The following CHRM2 variants were observed in gnomAD, a reference collection of about 807,000 sequenced individuals.
CHRM2 encodes the protein muscarinic acetylcholine receptor M2.
A neutral mutation model predicts 25.0 loss-of-function variants in CHRM2; 8 were observed. The ratio of observed to expected loss-of-function variants is 0.32; its 90% confidence interval spans 0.19 to 0.58. CHRM2 has a LOEUF of 0.58. CHRM2 is among the 20% of genes least tolerant of loss of function. The pLI is 0.88. For synonymous variants in CHRM2, 202 were observed against 205.7 expected (o/e 0.98, Z 0.15); for missense variants, 440 against 567.1 (o/e 0.78, Z 2.28).
chr7:136,908,623 C>T (rs899407525), intron 2 of CHRM2, among the ~76,000 whole-genome samples: 3 of 151,892 alleles, frequency 2.0e-5, no homozygotes, highest in African/African-American at 7.2e-5. Context: ...CTCTTCTCTT[C>T]CCTCTGACAG....
chr7:136,916,935 A>G (rs1436963645), intron 2 of CHRM2, among the ~76,000 whole-genome samples: 1 of 151,360 alleles, frequency 6.6e-6, no homozygotes, highest in East Asian at 1.9e-4. Flanking sequence ...CAGTGTTTTA[A>G]TTCAGTTTCA....
At chr7:136,873,109 G>C (rs17487790) in intron 2 of CHRM2, among the ~76,000 whole-genome samples, 1 of 152,104 alleles carries the variant, frequency 6.6e-6, no homozygotes, top group Non-Finnish European at 1.5e-5. Flanking sequence ...TAGTTCCCAA[G>C]AGACTCCTAT....
At chr7:136,933,172 C>A (rs1799213186) in intron 2 of CHRM2, among the ~76,000 whole-genome samples, 1 of 152,138 alleles carries the variant, frequency 6.6e-6, no homozygotes, top group Non-Finnish European at 1.5e-5. Flanking sequence ...AATCATATAT[C>A]TTTCAAGGAA....
chr7:136,953,060 T>C (rs569897692), intron 2 of CHRM2, among the ~76,000 whole-genome samples: 13 of 152,216 alleles, frequency 8.5e-5, no homozygotes, highest in African/African-American at 2.2e-4. Flanking sequence ...GTCTTTATGA[T>C]AGAACTATTT....
At chr7:136,878,181 G>C (rs1222388464) in intron 2 of CHRM2, among the ~76,000 whole-genome samples, 1 of 151,946 alleles carries the variant, frequency 6.6e-6, no homozygotes, top group Non-Finnish European at 1.5e-5. Flanking sequence ...GAGAGCATCA[G>C]GGCATTTGGT....
At chr7:136,910,575 A>G (rs535479781) in intron 2 of CHRM2, among the ~76,000 whole-genome samples, 2 of 152,064 alleles carry the variant, frequency 1.3e-5, no homozygotes, top group African/African-American at 4.8e-5. Flanking sequence ...ATATTTATTA[A>G]GGGAGGACAT....
At chr7:136,885,565 A>T (rs17494846) in intron 2 of CHRM2, among the ~76,000 whole-genome samples, 1 of 152,114 alleles carries the variant, frequency 6.6e-6, no homozygotes, top group African/African-American at 2.4e-5. Flanking sequence ...ATATTAATGC[A>T]CTAGAAATGG....
At chr7:137,013,305 A>G (rs1804946456) in intron 3 of CHRM2, among the ~76,000 whole-genome samples, 1 of 151,830 alleles carries the variant, frequency 6.6e-6, no homozygotes, top group Non-Finnish European at 1.5e-5. Flanking sequence ...TTTGTCAAAT[A>G]AAATACTGGA....
At chr7:136,996,322 A>G (rs1159329204) in intron 3 of CHRM2, among the ~76,000 whole-genome samples, 1 of 152,118 alleles carries the variant, frequency 6.6e-6, no homozygotes, top group Non-Finnish European at 1.5e-5. Flanking sequence ...CTATAAAAAG[A>G]CAAAGGGTAC....
chr7:137,016,666 G>A lies in CHRM2; in HGVS notation c.*400G>A. ...GTCCTTAAGAGAAGGAAATGCCACAGTTACAAGGTAAACATGGAGACTTAA... is the reference window on the plus strand; with the variant it reads ...GTCCTTAAGAGAAGGAAATGCCACAATTACAAGGTAAACATGGAGACTTAA... On this transcript the variant is annotated 3_prime_UTR_variant, in exon 4 of 4. Coordinates refer to ENST00000680005, the MANE Select transcript of CHRM2 (RefSeq NM_001006630.2). 1 of 209,176 alleles carries A rather than the reference G, an allele frequency of 4.8e-6. No individual in the cohort carries two copies. The highest frequency in any genetic ancestry group is 1.3e-4 in the East Asian group (1 of 7,570). 13.0% of individuals were successfully genotyped at this position (209,176 alleles called of 1,614,324 possible).
chr7:136,917,179 C>A (rs897869635), intron 2 of CHRM2, among the ~76,000 whole-genome samples: 1 of 144,056 alleles, frequency 6.9e-6, no homozygotes, highest in African/African-American at 2.6e-5. Flanking sequence ...TTTTTGCTTT[C>A]TTTTATTTGT....
intron 2 of CHRM2, among the ~76,000 whole-genome samples, chr7:136,896,060 T>A (rs899779286): frequency 3.3e-5 from 5 of 152,172 alleles, no homozygotes; most frequent in African/African-American, 1.2e-4. Context: ...TTGCATATAA[T>A]GCAAAAAGGA....
At chr7:136,948,127 T>C (rs1347201622) in intron 2 of CHRM2, among the ~76,000 whole-genome samples, 1 of 152,186 alleles carries the variant, frequency 6.6e-6, no homozygotes, top group Admixed American at 6.5e-5. Context: ...GGACAGATTC[T>C]ATACAACAGC....
chr7:136,941,570 G>A (rs1240815846), intron 2 of CHRM2, among the ~76,000 whole-genome samples: 1 of 152,120 alleles, frequency 6.6e-6, no homozygotes, highest in Non-Finnish European at 1.5e-5. Flanking sequence ...CCGAGAGAGA[G>A]GCTTATCTTT....
At chr7:136,983,583 G>T (rs1038331859) in intron 2 of CHRM2, among the ~76,000 whole-genome samples, 4 of 152,134 alleles carry the variant, frequency 2.6e-5, no homozygotes, top group Admixed American at 2.6e-4. Context: ...TCTACCTTTG[G>T]TTTTTGCTGT....
chr7:136,889,160 G>C (rs1796596045), intron 2 of CHRM2, among the ~76,000 whole-genome samples: 2 of 150,548 alleles, frequency 1.3e-5, no homozygotes, highest in South Asian at 2.1e-4. Context: ...TATTGTTCTT[G>C]AGTGTTGGTG....
chr7:136,916,338 G>A (rs1798111659), intron 2 of CHRM2, among the ~76,000 whole-genome samples: 1 of 151,766 alleles, frequency 6.6e-6, no homozygotes, highest in Admixed American at 6.6e-5. Context: ...ATCCTCTACA[G>A]AAAAACATTT....
Position 137,017,033 on chromosome 7 carries a change from G to T in CHRM2, c.*767G>T. 1 of 164,250 alleles carries T rather than the reference G, an allele frequency of 6.1e-6. No individual in the cohort carries two copies. 10.2% of individuals were successfully genotyped at this position (164,250 alleles called of 1,614,324 possible). On this transcript the variant is annotated 3_prime_UTR_variant, in exon 4 of 4. Transcript: ENST00000680005. ...TGGACGTTTCACCCCTCCTCACTGTGTCCTTTGCATTCGTTGGGGATATCA... is the reference window on the plus strand; with the variant it reads ...TGGACGTTTCACCCCTCCTCACTGTTTCCTTTGCATTCGTTGGGGATATCA...
intron 2 of CHRM2, among the ~76,000 whole-genome samples, chr7:136,981,140 G>A (rs1025412611): frequency 1.3e-5 from 2 of 152,132 alleles, no homozygotes; most frequent in African/African-American, 4.8e-5. Flanking sequence ...GGTCTATTCA[G>A]GGATTCAACT....
Sources: gnomAD v4.1 joint callset for allele counts (sites outside exome capture counted in the v4.1 genomes callset) on GRCh38, gnomAD v4.1.1 for gene constraint, MANE v1.5 for transcripts, NCBI Gene and HGNC (gene_info 2026-07-23, HGNC 2026-07-21) for gene names.